Variants in LRBA observed in about 807,000 individuals in gnomAD.
The protein encoded by LRBA is LPS responsive beige-like anchor protein, also known as lipopolysaccharide-responsive and beige-like anchor protein.
In LRBA, 176 loss-of-function variants were observed where a neutral mutation model predicts 330.0. The ratio of observed to expected loss-of-function variants is 0.53; its 90% CI spans 0.47 to 0.60. The LOEUF (loss-of-function observed/expected upper bound fraction) is 0.60. Ranked by LOEUF, LRBA falls within the 20% of genes least tolerant of loss-of-function variation. The probability of loss-of-function intolerance (pLI) is 0.00; values close to 1 mark genes in which losing one functional copy is unlikely to be tolerated. For missense variants in LRBA, 3,259 were observed against 3,444.8 expected (o/e 0.95, Z 1.35); for synonymous variants, 1,230 against 1,193.0 (o/e 1.03, Z -0.64).
chr4:150,726,702 C>T (rs925218166), intron 36 of LRBA, among the ~76,000 whole-genome samples: 4 of 152,176 alleles, frequency 2.6e-5, no homozygotes, highest in South Asian at 4.2e-4. Context: ...CTCACTATTA[C>T]GAGAACATCA....
rs1311961063 is a variant in LRBA at position 150,488,219 on chromosome 4, G to T, written c.6449-385C>A. Among the ~76,000 whole-genome samples, 17 of 151,498 alleles carry T rather than the reference G, an allele frequency of 1.1e-4. No individual in the cohort carries two copies. In the South Asian group the frequency reaches 3.5e-3, roughly 31 times the overall value. On this transcript the variant is annotated intron_variant, in intron 41 of 56. Coordinates refer to ENST00000651943, the MANE Select transcript of LRBA (RefSeq NM_001364905.1). ...TTTTGGCAAGTCAAAGGTATTTCTA[G>T]GAGTTTCCAGAAACAAATATTAAAA...
In LRBA at chr4:150,487,915, T is replaced by C. The variant is rs1758083466; in HGVS notation, c.6449-81A>G. The stretch of plus-strand genomic sequence containing the variant: ...CTGACTCCTTGGTCCAATAAAATAT[T>C]TACTTTTAATTCAGGTATCTATTAA... On this transcript the variant is annotated intron_variant, in intron 41 of 56. Transcript: ENST00000651943. The C allele has an allele frequency of 1.7e-5, 11 of 628,594 alleles. No individual in the cohort carries two copies. The Admixed American group carries it at 2.6e-4, about 15-fold the overall frequency. 38.9% of individuals were successfully genotyped at this position (628,594 alleles called of 1,614,324 possible). A position where few individuals can be genotyped will look rare whatever the true frequency, so the allele number is the denominator to read the frequency against.
intron 17 of LRBA, among the ~76,000 whole-genome samples, chr4:150,891,823 A>T (rs1280525925): frequency 6.6e-6 from 1 of 152,228 alleles, no homozygotes; most frequent in Non-Finnish European, 1.5e-5. Flanking sequence ...TAGAGAATGA[A>T]CATTAAAAAA....
chr4:150,461,042 C>G (rs900443787), intron 44 of LRBA, among the ~76,000 whole-genome samples: 1 of 151,628 alleles, frequency 6.6e-6, no homozygotes, highest in Non-Finnish European at 1.5e-5. Context: ...TAGTTTTAAC[C>G]GAACATTCAG....
At chr4:150,681,838 C>A (rs886789157) in intron 37 of LRBA, among the ~76,000 whole-genome samples, 1 of 152,154 alleles carries the variant, frequency 6.6e-6, no homozygotes, top group Admixed American at 6.5e-5. Context: ...AGAGTTGATA[C>A]CTTAGAACAA....
chr4:150,723,496 G>A (rs1729221962), intron 36 of LRBA, among the ~76,000 whole-genome samples: 1 of 152,130 alleles, frequency 6.6e-6, no homozygotes, highest in Admixed American at 6.5e-5. Flanking sequence ...TAAGGATCCA[G>A]TCCTGGTAGG....
intron 34 of LRBA, among the ~76,000 whole-genome samples, chr4:150,796,014 C>T (rs6817726): frequency 0.88 from 133,076 of 151,922 alleles, 58,658 homozygotes; most frequent in Non-Finnish European, 0.94. Context: ...CCATTATTTA[C>T]GTGATTAAAA....
chr4:150,713,772 G>A (rs1423763230), intron 36 of LRBA, among the ~76,000 whole-genome samples: 2 of 152,158 alleles, frequency 1.3e-5, no homozygotes, highest in Non-Finnish European at 2.9e-5. Context: ...AATTAGGGAG[G>A]AGTTAAAGGG....
At chr4:150,799,088 G>A (rs1175366117) in intron 33 of LRBA, among the ~76,000 whole-genome samples, 3 of 151,764 alleles carry the variant, frequency 2.0e-5, no homozygotes, top group African/African-American at 7.3e-5. Context: ...GTTTAAATAC[G>A]AATGCTTCCA....
chr4:150,897,498 T>C (rs1316722419), intron 15 of LRBA, among the ~76,000 whole-genome samples: 1 of 152,150 alleles, frequency 6.6e-6, no homozygotes, highest in Admixed American at 6.5e-5. Flanking sequence ...GTGAACACAC[T>C]TGAGCTACTA....
At chr4:150,829,825 TA>T (rs34464488) in intron 29 of LRBA, among the ~76,000 whole-genome samples, 119,432 of 145,270 alleles carry the variant, frequency 0.82, 48,428 homozygotes, top group Non-Finnish European at 0.91. Context: ...CTTACATGTC[TA>T]AAAAAACCTC....
At chr4:150,729,538 G>A (rs1344934287) in intron 36 of LRBA, among the ~76,000 whole-genome samples, 3 of 152,080 alleles carry the variant, frequency 2.0e-5, no homozygotes, top group African/African-American at 7.2e-5. Flanking sequence ...TTTATGGATT[G>A]GAAAATCAAT....
intron 56 of LRBA, among the ~76,000 whole-genome samples, 182 bp downstream of exon 56, chr4:150,277,670 AT>A (rs536014624): frequency 1.8e-4 from 28 of 151,454 alleles, no homozygotes; most frequent in African/African-American, 1.2e-4. Flanking sequence ...TGAAAAAAAA[AT>A]TTTTTTTTTC....
intron 2 of LRBA, among the ~76,000 whole-genome samples, chr4:150,948,461 C>T (rs1401117200): frequency 6.6e-6 from 1 of 152,096 alleles, no homozygotes; most frequent in East Asian, 1.9e-4. Flanking sequence ...TACACAAAAA[C>T]TAACTCAATA....
intron 29 of LRBA, among the ~76,000 whole-genome samples, chr4:150,831,575 T>A (rs1204187797): frequency 6.6e-6 from 1 of 152,234 alleles, no homozygotes; most frequent in Non-Finnish European, 1.5e-5. Context: ...TTTTCAACTC[T>A]TTTTGTATAA....
intron 1 of LRBA, 84 bp downstream of exon 1, chr4:151,015,118 G>C (rs1400815409): frequency 6.5e-6 from 1 of 153,820 alleles, no homozygotes; most frequent in East Asian, 1.9e-4. Flanking sequence ...GCACTAGAAA[G>C]AGAAACTGTC....
intron 47 of LRBA, among the ~76,000 whole-genome samples, chr4:150,356,799 T>A (rs778381921): frequency 6.6e-6 from 1 of 151,940 alleles, no homozygotes; most frequent in Admixed American, 6.6e-5. Flanking sequence ...TGATTATATA[T>A]AAAACACAAT....
chr4:150,795,126 T>G (rs999879592), intron 34 of LRBA, among the ~76,000 whole-genome samples: 1 of 152,110 alleles, frequency 6.6e-6, no homozygotes, highest in Non-Finnish European at 1.5e-5. Context: ...CAGACTGAAT[T>G]AGGACTAGCA....
At chr4:150,576,727 A>G (rs1452098935) in intron 40 of LRBA, among the ~76,000 whole-genome samples, 2 of 151,862 alleles carry the variant, frequency 1.3e-5, no homozygotes, top group Non-Finnish European at 3.0e-5. Context: ...CTAATCATAT[A>G]TATTATCTAA....
Sources: gnomAD v4.1 joint callset for allele counts (sites outside exome capture counted in the v4.1 genomes callset) on GRCh38, gnomAD v4.1.1 for gene constraint, MANE v1.5 for transcripts, NCBI Gene and HGNC (gene_info 2026-07-23, HGNC 2026-07-21) for gene names.